The following H2BC18 variants were observed in gnomAD, a reference collection of about 807,000 sequenced individuals.
The protein encoded by H2BC18 is histone H2B type 2-F.
A neutral mutation model predicts 6.3 loss-of-function variants in H2BC18; 8 were observed. That is an observed-to-expected ratio of 1.28 (90% confidence interval 0.75 to 2.31). The LOEUF (loss-of-function observed/expected upper bound fraction) is 2.31. Among genes scored for constraint, H2BC18 ranks in the 30% most tolerant of loss-of-function variants. The pLI, the probability that H2BC18 is intolerant of heterozygous loss-of-function variation, is 0.00. For missense variants in H2BC18, 106 were observed against 174.5 expected (o/e 0.61, Z 2.21); for synonymous variants, 104 against 78.1 (o/e 1.33, Z -1.75).
intron 1 of H2BC18, among the ~76,000 whole-genome samples, chr1:149,793,362 G>C (rs1487522193): frequency 6.6e-5 from 10 of 152,020 alleles, no homozygotes; most frequent in African/African-American, 2.4e-4. Context: ...GGCTCGGCGG[G>C]ATCAGCAAGC....
At chr1:149,804,075 C>T (rs1418475370) in intron 1 of H2BC18, 4 of 152,168 alleles carry the variant, frequency 2.6e-5, no homozygotes, top group Admixed American at 6.5e-5. Flanking sequence ...GCACATTCTT[C>T]TTTTGGCTGT....
At chr1:149,810,305 T>C (rs2091960376), downstream of H2BC18, 1 of 151,968 alleles carries the variant, frequency 6.6e-6, no homozygotes, top group South Asian at 2.1e-4. Context: ...AACGGAAATT[T>C]TGGATTCTCA....
chr1:149,807,761 G>C (rs587628907), downstream of H2BC18, among the ~76,000 whole-genome samples: 218 of 152,120 alleles, frequency 1.4e-3, 1 homozygote, highest in African/African-American at 4.8e-3. Context: ...CCGAGATTGT[G>C]CCACTGCACT....
At chr1:149,798,551 A>T in intron 1 of H2BC18, among the ~76,000 whole-genome samples, 1 of 151,524 alleles carries the variant, frequency 6.6e-6, no homozygotes, top group East Asian at 1.9e-4. Flanking sequence ...TCCTTAATGG[A>T]GCACTACCTT....
intron 1 of H2BC18, among the ~76,000 whole-genome samples, chr1:149,801,130 G>T (rs1219059758): frequency 2.0e-5 from 3 of 151,976 alleles, no homozygotes; most frequent in Admixed American, 1.3e-4. Context: ...TAAGGAGATG[G>T]GTGGATATTC....
At chr1:149,785,414 T>TG (rs2091518877) in intron 1 of H2BC18, among the ~76,000 whole-genome samples, 3 of 131,440 alleles carry the variant, frequency 2.3e-5, no homozygotes, top group Non-Finnish European at 3.3e-5. Context: ...TTTCGTTTTT[T>TG]TTTTTTTTTT....
At position 149,790,267 on chromosome 1, in the gene H2BC18, A is replaced by G. The variant is rs1553751579; in HGVS notation, c.378-7007T>C. ...GCTAGAAGAGAAGACTCTGGGTTAT[A>G]CTGGTGCGAGGCTGCCACAGAGGAT... On this transcript the variant is annotated intron_variant, in intron 1 of 1. Transcript: ENST00000545683. 1.9e-6 allele frequency: 3 copies of G among 1,596,484 alleles called. No homozygotes were observed. In the African/African-American group the frequency reaches 4.0e-5, roughly 21 times the overall value.
intron 1 of H2BC18, among the ~76,000 whole-genome samples, chr1:149,805,827 A>G (rs2788812): frequency 0.048 from 7,252 of 152,078 alleles, 262 homozygotes; most frequent in Non-Finnish European, 0.066. Context: ...ATAATAACTT[A>G]GACTATATCT....
chr1:149,794,271 G>A (rs587749165), intron 1 of H2BC18, among the ~76,000 whole-genome samples: 1 of 151,490 alleles, frequency 6.6e-6, no homozygotes, highest in African/African-American at 2.4e-5. Flanking sequence ...AAAGAGAAGG[G>A]GGGGGAACAC....
chr1:149,799,312 C>G (rs1407845211), intron 1 of H2BC18, among the ~76,000 whole-genome samples: 2 of 151,940 alleles, frequency 1.3e-5, no homozygotes, highest in African/African-American at 2.4e-5. Flanking sequence ...GTAAATTTGA[C>G]TTCCATTTCT....
At chr1:149,793,686 C>G (rs1219655755) in intron 1 of H2BC18, among the ~76,000 whole-genome samples, 4 of 151,674 alleles carry the variant, frequency 2.6e-5, no homozygotes, top group Non-Finnish European at 4.4e-5. Context: ...ACAAGTGGAG[C>G]AGAACCGGCA....
At chr1:149,790,693 C>A (rs1332574464) in intron 1 of H2BC18, among the ~76,000 whole-genome samples, 3 of 150,480 alleles carry the variant, frequency 2.0e-5, no homozygotes, top group East Asian at 2.0e-4. Flanking sequence ...TGCTTCCCTG[C>A]CTCCCTCCTC....
rs1198109098 is a variant in H2BC18 at position 149,800,768 on chromosome 1, C to T, written c.377+11179G>A. Among the ~76,000 whole-genome samples, 14 of 149,912 alleles carry T rather than the reference C, an allele frequency of 9.3e-5. No individual in the cohort carries two copies. The South Asian group carries it at 2.4e-3, about 25-fold the overall frequency. Reference sequence around the variant, plus strand: ...TTTCCTGCCTCCTTGAACCAAATGACCGCACTCACTGCTGGGGTCAAAGAT... The same window carrying T: ...TTTCCTGCCTCCTTGAACCAAATGATCGCACTCACTGCTGGGGTCAAAGAT... On this transcript the variant is annotated intron_variant, in intron 1 of 1. Coordinates refer to the H2BC18 transcript ENST00000545683.
At chr1:149,811,604 G>A (rs587626817), downstream of H2BC18, 2 of 359,424 alleles carry the variant, frequency 5.6e-6, no homozygotes, top group Non-Finnish European at 1.0e-5. Context: ...AAAGATACAG[G>A]TTAAAGGCCG....
At chr1:149,809,372 ATAAC>A (rs1488577188), downstream of H2BC18, among the ~76,000 whole-genome samples, 1 of 151,114 alleles carries the variant, frequency 6.6e-6, no homozygotes, top group Non-Finnish European at 1.5e-5. Context: ...TTTTGAATCT[ATAAC>A]AGTTGTTTCA....
At chr1:149,810,060 C>T (rs1553754238), downstream of H2BC18, among the ~76,000 whole-genome samples, 1 of 151,110 alleles carries the variant, frequency 6.6e-6, no homozygotes, top group East Asian at 1.9e-4. Context: ...TAAATGATGG[C>T]ATTTGTGTAG....
At chr1:149,791,518 C>A (rs1394795865) in intron 1 of H2BC18, 1 of 1,610,456 alleles carries the variant, frequency 6.2e-7, no homozygotes, top group Non-Finnish European at 8.5e-7. Flanking sequence ...GGCCACGTAG[C>A]AGCGGCTCAG....
intron 1 of H2BC18, among the ~76,000 whole-genome samples, chr1:149,806,212 A>G (rs2091915463): frequency 6.6e-6 from 1 of 152,104 alleles, no homozygotes; most frequent in Admixed American, 6.5e-5. Context: ...GTATACAAGG[A>G]AAGATCATTT....
rs587610631 is a variant in H2BC18, at chr1:149,792,668, C to G, written c.378-9408G>C. The G allele has an allele frequency of 4.7e-6, 6 of 1,278,198 alleles. No individual in the cohort carries two copies. In the African/African-American group the frequency reaches 9.4e-5, roughly 20 times the overall value. The allele number at this position is 1,278,198 out of a possible 1,614,324, so 79.2% of individuals were successfully genotyped here. On this transcript the variant is annotated intron_variant, in intron 1 of 1. Coordinates refer to the H2BC18 transcript ENST00000545683. ...CTCCGCCTGTATCTGGGGGCCGCAG[C>G]CGCCAGCGCCCGGGGACCCAGCTGC...
Sources: allele counts gnomAD v4.1 joint callset (sites outside exome capture counted in the v4.1 genomes callset), GRCh38; gene constraint gnomAD v4.1.1; transcripts MANE v1.5; gene names NCBI Gene and HGNC (gene_info 2026-07-23, HGNC 2026-07-21).